Variants in SSBP2 observed in about 807,000 individuals in gnomAD.
SSBP2 encodes single stranded DNA binding protein 2, also known as single-stranded DNA-binding protein 2.
SSBP2 carries 17 observed loss-of-function variants against 61.8 expected under a neutral mutation model. That is an observed-to-expected ratio of 0.28 (90% CI 0.19 to 0.41). SSBP2 has a LOEUF of 0.41. SSBP2 is among the 10% of genes least tolerant of loss of function. The probability of loss-of-function intolerance (pLI) is 1.00; values close to 1 mark genes in which losing one functional copy is unlikely to be tolerated. For synonymous variants in SSBP2, 139 were observed against 141.3 expected (o/e 0.98, Z 0.12); for missense variants, 310 against 458.7 (o/e 0.68, Z 2.96).
At chr5:81,518,363 G>A (rs576057002) in intron 4 of SSBP2, among the ~76,000 whole-genome samples, 5 of 152,132 alleles carry the variant, frequency 3.3e-5, no homozygotes, top group African/African-American at 1.2e-4. Context: ...GTATTAAGAG[G>A]CGGGCCCTTT....
intron 4 of SSBP2, among the ~76,000 whole-genome samples, chr5:81,588,761 G>C (rs1467115056): frequency 6.6e-6 from 1 of 152,138 alleles, no homozygotes; most frequent in South Asian, 2.1e-4. Context: ...TTTGGAGAAA[G>C]ACTTTTTTAA....
chr5:81,608,636 G>A (rs140455508), intron 4 of SSBP2, among the ~76,000 whole-genome samples: 10 of 152,222 alleles, frequency 6.6e-5, no homozygotes, highest in African/African-American at 2.4e-4. Flanking sequence ...CTATTCAAAT[G>A]ACTAAAATAA....
Position 81,420,448 on chromosome 5 carries a change from G to C in SSBP2, c.*56C>G. The C allele has an allele frequency of 6.5e-7, 1 of 1,533,444 alleles. No individual in the cohort carries two copies. The highest frequency in any genetic ancestry group is 9.0e-7 in the Non-Finnish European group (1 of 1,106,980). The allele number at this position is 1,533,444 out of a possible 1,614,324, so 95.0% of individuals were successfully genotyped here. A position where few individuals can be genotyped will look rare whatever the true frequency, so the allele number is the denominator to read the frequency against. ...CTGTGATGAATAATTTTCTTCCGTAGTAGTTCTGTGAAGGGCTGACTCACT... is the reference window on the plus strand; with the variant it reads ...CTGTGATGAATAATTTTCTTCCGTACTAGTTCTGTGAAGGGCTGACTCACT... On this transcript the variant is annotated 3_prime_UTR_variant, in exon 17 of 17. Coordinates refer to ENST00000320672, the MANE Select transcript of SSBP2 (RefSeq NM_012446.5).
At chr5:81,725,732 C>A (rs1217334979) in intron 1 of SSBP2, among the ~76,000 whole-genome samples, 1 of 152,038 alleles carries the variant, frequency 6.6e-6, no homozygotes, top group East Asian at 1.9e-4. Flanking sequence ...GTTTTTGGCA[C>A]TGAAATACAG....
intron 11 of SSBP2, chr5:81,447,889 T>C (rs900684295): frequency 3.9e-5 from 6 of 152,208 alleles, no homozygotes; most frequent in African/African-American, 1.2e-4. Flanking sequence ...AAAGAAAGAC[T>C]TGCTTAGTTT....
At chr5:81,663,423 C>T (rs115612438) in intron 1 of SSBP2, among the ~76,000 whole-genome samples, 2,004 of 152,140 alleles carry the variant, frequency 0.013, 37 homozygotes, top group African/African-American at 0.046. Context: ...CTTTGTATCA[C>T]AGAAAAGATT....
Position 81,636,598 on chromosome 5 carries a change from G to A in SSBP2, c.156C>T (p.Ile52=). The A allele has an allele frequency of 1.2e-6, 2 of 1,609,626 alleles. No individual in the cohort carries two copies. The highest frequency in any genetic ancestry group is 1.7e-6 in the Non-Finnish European group (2 of 1,177,652). Residue 52 remains isoleucine (I), a synonymous_variant, in exon 3 of 17, where the codon ATC becomes ATT. Transcript: ENST00000320672. ...AGAATCCTGGTGGTTCCCCCAATGT[G>A]ATGTTTTTTTCCCATCTTATCTAAA... is the stretch of plus-strand genomic sequence containing the variant.
Position 81,416,309 on chromosome 5 carries a change from T to C in SSBP2, c.*4195A>G, listed in dbSNP as rs1761311748. 1 of 152,230 alleles carries C rather than the reference T, an allele frequency of 6.6e-6. No homozygotes were observed. Among genetic ancestry groups the C allele is most frequent in the African/African-American group, 2.4e-5 (1 of 41,458 alleles). 9.4% of individuals were successfully genotyped at this position (152,230 alleles called of 1,614,324 possible). On this transcript the variant is annotated 3_prime_UTR_variant, in exon 17 of 17. Coordinates refer to ENST00000320672, the MANE Select transcript of SSBP2 (RefSeq NM_012446.5). ...ATCAAAATCAAGTGGCTATGATTTGTGGCACTCCTTCGAATTAGCAGTGAT... is the reference window on the plus strand; with the variant it reads ...ATCAAAATCAAGTGGCTATGATTTGCGGCACTCCTTCGAATTAGCAGTGAT...
At chr5:81,488,040 T>TAAA (rs1337960267) in intron 6 of SSBP2, among the ~76,000 whole-genome samples, 1 of 28,500 alleles carries the variant, frequency 3.5e-5, no homozygotes, top group East Asian at 5.9e-4. Context: ...TATATATATA[T>TAAA]ATATATATAT....
At chr5:81,597,558 C>T (rs1189477792) in intron 4 of SSBP2, among the ~76,000 whole-genome samples, 20 of 152,184 alleles carry the variant, frequency 1.3e-4, no homozygotes, top group African/African-American at 3.1e-4. Context: ...CACATGCACA[C>T]GTATGTTTAC....
chr5:81,643,078 T>C (rs373132284), intron 2 of SSBP2, among the ~76,000 whole-genome samples: 2 of 152,340 alleles, frequency 1.3e-5, no homozygotes, highest in African/African-American at 2.4e-5. Flanking sequence ...TTTGGCTTCC[T>C]GTTAAGTTCT....
intron 4 of SSBP2, among the ~76,000 whole-genome samples, chr5:81,523,539 T>C (rs1417922430): frequency 6.6e-6 from 1 of 152,064 alleles, no homozygotes; most frequent in Non-Finnish European, 1.5e-5. Context: ...CACAATTTAG[T>C]GCAATTACCT....
At chr5:81,689,395 C>T (rs777098285) in intron 1 of SSBP2, among the ~76,000 whole-genome samples, 3 of 151,670 alleles carry the variant, frequency 2.0e-5, no homozygotes, top group Non-Finnish European at 4.4e-5. Flanking sequence ...CATATTTAAC[C>T]GAAATAAGAC....
chr5:81,653,196 T>C (rs141889491), intron 1 of SSBP2, among the ~76,000 whole-genome samples: 3,693 of 152,070 alleles, frequency 0.024, 160 homozygotes, highest in African/African-American at 0.084. Context: ...GAACATGTGG[T>C]GTTTGGTTTT....
rs938094077 is a variant in SSBP2, at chr5:81,416,093, TG to T, written c.*4410del. ...CAAAAATTAGCCTGTGACGCATGCCTGTAATCCAGCTACTCTGGAGGCTGAG... is the reference window on the plus strand; with the variant it reads ...CAAAAATTAGCCTGTGACGCATGCCTTAATCCAGCTACTCTGGAGGCTGAG... On this transcript the variant is annotated 3_prime_UTR_variant, in exon 17 of 17. Transcript: ENST00000320672. 22 of 148,492 alleles carry T rather than the reference TG, an allele frequency of 1.5e-4. No individual in the cohort carries two copies. Among genetic ancestry groups the T allele is most frequent in the African/African-American group, 5.0e-4 (20 of 39,960 alleles). 9.2% of individuals were successfully genotyped at this position (148,492 alleles called of 1,614,324 possible).
At position 81,413,777 on chromosome 5, in the gene SSBP2, TTAAAG is replaced by T. The variant is rs1363620569; in HGVS notation, c.*6722_*6726del. The T allele has an allele frequency of 2.0e-5, 3 of 152,162 alleles. No individual in the cohort carries two copies. 9.4% of individuals were successfully genotyped at this position (152,162 alleles called of 1,614,324 possible). On this transcript the variant is annotated 3_prime_UTR_variant, in exon 17 of 17. Transcript: ENST00000320672. ...GAAGATTTCTAAGATGGTGCTAAAT[TTAAAG>T]TAATTTGTTGTCAAATTATGGTAAC...
intron 10 of SSBP2, among the ~76,000 whole-genome samples, chr5:81,451,261 T>C (rs558024952): frequency 1.3e-5 from 2 of 152,306 alleles, no homozygotes; most frequent in East Asian, 3.9e-4. Context: ...ATCGTGCTCT[T>C]ACTATACCTT....
intron 5 of SSBP2, among the ~76,000 whole-genome samples, chr5:81,492,505 A>AAAC (rs1766932844): frequency 1.3e-5 from 2 of 152,192 alleles, no homozygotes; most frequent in Non-Finnish European, 2.9e-5. Context: ...CTCTTTCTCA[A>AAAC]AACAAAACGA....
intron 2 of SSBP2, 48 bp from the exon 3 acceptor site, chr5:81,636,666 A>G: frequency 7.4e-7 from 1 of 1,359,460 alleles, no homozygotes; most frequent in Non-Finnish European, 1.0e-6. Context: ...ACTTTTTTCC[A>G]CACATATTAC....
Sources: gnomAD v4.1 joint callset for allele counts (sites outside exome capture counted in the v4.1 genomes callset) on GRCh38, gnomAD v4.1.1 for gene constraint, MANE v1.5 for transcripts, NCBI Gene and HGNC (gene_info 2026-07-23, HGNC 2026-07-21) for gene names.